ADAM22: variants seen among roughly 807,000 people sequenced by gnomAD.
ADAM22 encodes the protein ADAM metallopeptidase domain 22, also known as disintegrin and metalloproteinase domain-containing protein 22.
ADAM22 carries 65 observed loss-of-function variants against 144.6 expected under a neutral mutation model. The observed-to-expected ratio is 0.45, with a 90% CI of 0.37 to 0.55. The LOEUF is 0.55. Ranked by LOEUF, ADAM22 falls within the 20% of genes least tolerant of loss-of-function variation. The pLI is 0.00. For missense variants in ADAM22, 974 were observed against 1,184.9 expected, an observed-to-expected ratio of 0.82 and a Z score of 2.61; for synonymous variants, 391 against 412.6, an observed-to-expected ratio of 0.95 and a Z score of 0.63.
In ADAM22 at chr7:88,198,628, T is replaced by G. The variant is rs1850917655; in HGVS notation, c.*2137T>G. On this transcript the variant is annotated 3_prime_UTR_variant, in exon 32 of 32. Transcript: ENST00000413139. ...TTGACTATAAAAGAGTTTATAGATT[T>G]GAATATAAGGTGCCTCATGTAAATA... 2 of 152,232 alleles carry G rather than the reference T, an allele frequency of 1.3e-5. No homozygotes were observed. The highest frequency in any genetic ancestry group is 1.3e-4 in the Admixed American group (2 of 15,294). 9.4% of individuals were successfully genotyped at this position (152,232 alleles called of 1,614,324 possible). A position where few individuals can be genotyped will look rare whatever the true frequency, so the allele number is the denominator to read the frequency against.
chr7:88,171,469 A>G, intron 25 of ADAM22, 75 bp from the exon 26 acceptor site: 1 of 1,328,400 alleles, frequency 7.5e-7, no homozygotes, highest in Non-Finnish European at 1.0e-6. Flanking sequence ...TTATGTTTAG[A>G]GCTCCCTCTT....
rs1445171653 is a variant in ADAM22 at position 88,160,855 on chromosome 7, TA to T, written c.1908-2156del. On this transcript the variant is annotated intron_variant, in intron 22 of 31. Coordinates refer to ENST00000413139, the MANE Select transcript of ADAM22 (RefSeq NM_001324418.2). ...CTGGAAACCATCATTCTCAGCAAAC[TA>T]CCACAAGGACAAAAACCAAACACCG... is the stretch of plus-strand genomic sequence containing the variant. Among the ~76,000 whole-genome samples the T allele has an allele frequency of 1.3e-5, 2 of 151,980 alleles. 1 individual carries two copies.
chr7:88,018,451 A>G (rs1797032235), intron 3 of ADAM22, among the ~76,000 whole-genome samples: 1 of 152,084 alleles, frequency 6.6e-6, no homozygotes. Flanking sequence ...TTCCCCCATT[A>G]CTGTTCTACC....
rs1344120395 is a variant in ADAM22, at chr7:88,200,157, CTTT to C, written c.*3670_*3672del. On this transcript the variant is annotated 3_prime_UTR_variant, in exon 32 of 32. Coordinates refer to ENST00000413139, the MANE Select transcript of ADAM22 (RefSeq NM_001324418.2). Reference sequence around the variant, plus strand: ...AGAAGATATATGGTATTTTTATTCACTTTTTTCAGTGTTTTAAAATAAGGTTTG... The same window carrying C: ...AGAAGATATATGGTATTTTTATTCACTTTCAGTGTTTTAAAATAAGGTTTG... 2.0e-5 allele frequency: 3 copies of C among 152,052 alleles called. No homozygotes were observed. The highest frequency in any genetic ancestry group is 4.4e-5 in the Non-Finnish European group (3 of 68,010). 9.4% of individuals were successfully genotyped at this position (152,052 alleles called of 1,614,324 possible).
At chr7:88,077,128 C>A (rs1311206031) in intron 4 of ADAM22, among the ~76,000 whole-genome samples, 3 of 151,994 alleles carry the variant, frequency 2.0e-5, no homozygotes, top group African/African-American at 7.2e-5. Flanking sequence ...TAAACATTTG[C>A]CAAGTTATTT....
intron 26 of ADAM22, 81 bp from the exon 27 acceptor site, chr7:88,178,854 T>C: frequency 1.2e-6 from 1 of 830,244 alleles, no homozygotes; most frequent in Non-Finnish European, 1.8e-6. Context: ...ACCTCTCTTT[T>C]TTCCTGAAAT....
intron 22 of ADAM22, among the ~76,000 whole-genome samples, chr7:88,162,474 CT>C (rs1237138595): frequency 6.6e-6 from 1 of 151,980 alleles, no homozygotes; most frequent in East Asian, 1.9e-4. Context: ...ACATGTACCC[CT>C]GAACATAAAA....
intron 4 of ADAM22, among the ~76,000 whole-genome samples, chr7:88,101,650 C>T (rs1822966087): frequency 6.6e-6 from 1 of 152,148 alleles, no homozygotes. Flanking sequence ...TCACCTTTTA[C>T]CTTCCATTAT....
intron 3 of ADAM22, among the ~76,000 whole-genome samples, chr7:87,985,632 T>C (rs1788297345): frequency 6.6e-6 from 1 of 152,208 alleles, no homozygotes; most frequent in South Asian, 2.1e-4. Flanking sequence ...CCATGCTATA[T>C]GTGTCAGTTC....
chr7:87,941,049 G>A (rs1842368282), intron 2 of ADAM22, among the ~76,000 whole-genome samples: 2 of 152,030 alleles, frequency 1.3e-5, no homozygotes, highest in East Asian at 1.9e-4. Context: ...ATTTTGTTGT[G>A]TTTTCACCCC....
At chr7:88,004,441 C>T (rs1793313908) in intron 3 of ADAM22, among the ~76,000 whole-genome samples, 1 of 152,174 alleles carries the variant, frequency 6.6e-6, no homozygotes, top group Non-Finnish European at 1.5e-5. Flanking sequence ...AATAATAGAA[C>T]ACTACATTAT....
chr7:87,999,659 T>TA (rs1792064632), intron 3 of ADAM22, among the ~76,000 whole-genome samples: 1 of 152,220 alleles, frequency 6.6e-6, no homozygotes, highest in Non-Finnish European at 1.5e-5. Context: ...AGGGGAAACT[T>TA]ACGATGCTTA....
At chr7:88,079,634 G>A (rs1215394936) in intron 4 of ADAM22, among the ~76,000 whole-genome samples, 2 of 152,220 alleles carry the variant, frequency 1.3e-5, no homozygotes, top group African/African-American at 4.8e-5. Flanking sequence ...TAGGCTCAAA[G>A]TAAAGGGATG....
intron 3 of ADAM22, among the ~76,000 whole-genome samples, chr7:88,024,992 A>C (rs1340935296): frequency 5.3e-5 from 8 of 152,170 alleles, no homozygotes; most frequent in Non-Finnish European, 1.2e-4. Flanking sequence ...TGCTATTGTG[A>C]ATAGTGCCGC....
chr7:88,183,333 T>G (rs1586583750), intron 29 of ADAM22, among the ~76,000 whole-genome samples: 1 of 152,306 alleles, frequency 6.6e-6, no homozygotes, highest in East Asian at 1.9e-4. Context: ...CTCACAGGTG[T>G]ACAGATAAAA....
At chr7:88,098,010 G>A (rs187487070) in intron 4 of ADAM22, among the ~76,000 whole-genome samples, 5 of 152,170 alleles carry the variant, frequency 3.3e-5, no homozygotes, top group Middle Eastern at 3.4e-3. Context: ...CCCCCTCTCT[G>A]CATTACAGTA....
At chr7:87,945,004 T>A (rs994595076) in intron 2 of ADAM22, among the ~76,000 whole-genome samples, 1 of 151,350 alleles carries the variant, frequency 6.6e-6, no homozygotes, top group Non-Finnish European at 1.5e-5. Flanking sequence ...ACCTCTTTCT[T>A]CTTCTTGGTC....
At chr7:87,964,377 A>G (rs1190528024) in intron 2 of ADAM22, among the ~76,000 whole-genome samples, 2 of 152,070 alleles carry the variant, frequency 1.3e-5, no homozygotes, top group African/African-American at 4.8e-5. Context: ...GATGATTTGG[A>G]GTCAGTGTAT....
intron 4 of ADAM22, among the ~76,000 whole-genome samples, chr7:88,079,450 A>C (rs1455762484): frequency 6.6e-6 from 1 of 152,220 alleles, no homozygotes; most frequent in Admixed American, 6.5e-5. Flanking sequence ...AACGAGCAAA[A>C]TAACCAGCTA....
Sources: gnomAD v4.1 joint callset for allele counts (sites outside exome capture counted in the v4.1 genomes callset) on GRCh38, gnomAD v4.1.1 for gene constraint, MANE v1.5 for transcripts, NCBI Gene and HGNC (gene_info 2026-07-23, HGNC 2026-07-21) for gene names.